Variants in SWT1 observed in about 807,000 individuals in gnomAD.
SWT1 encodes the protein transcriptional protein SWT1.
SWT1 carries 33 observed loss-of-function variants against 107.3 expected under a neutral mutation model. The observed-to-expected ratio is 0.31, with a 90% CI of 0.23 to 0.41. The LOEUF (loss-of-function observed/expected upper bound fraction) is 0.41. SWT1 is among the 10% of genes least tolerant of loss of function. The pLI, the probability that SWT1 is intolerant of heterozygous loss-of-function variation, is 1.00. For synonymous variants in SWT1, 345 were observed against 348.3 expected (o/e 0.99, Z 0.11); for missense variants, 898 against 1,028.9 (o/e 0.87, Z 1.74).
Position 185,174,443 on chromosome 1 carries a change from T to G in SWT1, c.296T>G (p.Leu99Arg). The change falls in exon 5 of 19, where the codon CTC becomes CGC. Residue 99 changes from leucine to arginine, a missense_variant. Physicochemically the swap from Leu to Arg is moderately radical, Grantham distance 102. Coordinates refer to ENST00000367500, the MANE Select transcript of SWT1 (RefSeq NM_017673.7). Reference protein sequence around the residue: ...IGSSSQRPIKLKEASYSNDNQ... With the variant: ...IGSSSQRPIKRKEASYSNDNQ... ...TCTTCATCCCAAAGACCTATTAAAC[T>G]CAAAGAAGCATCATATTCAAATGAT... 6.2e-7 allele frequency: 1 copy of G among 1,604,662 alleles called. No homozygotes were observed. Among genetic ancestry groups the G allele is most frequent in the South Asian group, 1.1e-5 (1 of 88,708 alleles).
At chr1:185,167,510 T>C (rs542569454) in intron 3 of SWT1, among the ~76,000 whole-genome samples, 1 of 152,328 alleles carries the variant, frequency 6.6e-6, no homozygotes, top group South Asian at 2.1e-4. Flanking sequence ...AGAATTTACT[T>C]GTTTTCATAT....
chr1:185,258,439 C>A (rs1043469169), intron 16 of SWT1, among the ~76,000 whole-genome samples: 8 of 151,304 alleles, frequency 5.3e-5, no homozygotes, highest in Admixed American at 1.3e-4. Flanking sequence ...ATTTCCATTG[C>A]TTCCTTCATT....
intron 16 of SWT1, among the ~76,000 whole-genome samples, chr1:185,236,688 G>A (rs766217271): frequency 1.3e-5 from 2 of 152,126 alleles, no homozygotes; most frequent in Non-Finnish European, 2.9e-5. Flanking sequence ...AACACCCAAA[G>A]CAATGGCAAC....
intron 9 of SWT1, among the ~76,000 whole-genome samples, chr1:185,189,347 G>T (rs191944240): frequency 1.3e-5 from 2 of 152,184 alleles, no homozygotes; most frequent in African/African-American, 2.4e-5. Flanking sequence ...ATGCCAGAGG[G>T]TACCCTGTCA....
At position 185,182,067 on chromosome 1, in the gene SWT1, A is replaced by G. The variant is rs374879340; in HGVS notation, c.1138+10A>G. 19 of 1,613,258 alleles carry G rather than the reference A, an allele frequency of 1.2e-5. No homozygotes were observed. The highest frequency in any genetic ancestry group is 2.2e-5 in the East Asian group (1 of 44,810). ...GTACATTCCTCCTCTGGTATACCCT[A>G]TATGTTGATGTGTATGCTCCCCTAT... On this transcript the variant is annotated intron_variant, in intron 7 of 18. Coordinates refer to ENST00000367500, the MANE Select transcript of SWT1 (RefSeq NM_017673.7).
intron 4 of SWT1, chr1:185,171,735 A>T (rs548219502): frequency 3.7e-5 from 15 of 405,640 alleles, no homozygotes; most frequent in Non-Finnish European, 6.3e-5. Flanking sequence ...CAGAAAGGGC[A>T]TTTTTTTTTT....
intron 16 of SWT1, among the ~76,000 whole-genome samples, chr1:185,238,210 T>C (rs1411610291): frequency 6.6e-6 from 1 of 152,086 alleles, no homozygotes; most frequent in African/African-American, 2.4e-5. Context: ...GGTCTTGAAC[T>C]CCTGGGCTCA....
intron 1 of SWT1, 69 bp from the exon 2 acceptor site, chr1:185,160,764 A>G (rs1340383548): frequency 5.2e-6 from 6 of 1,143,114 alleles, no homozygotes; most frequent in Non-Finnish European, 7.6e-6. Flanking sequence ...TATATAACTG[A>G]AAGAAGACAA....
intron 9 of SWT1, among the ~76,000 whole-genome samples, chr1:185,189,712 T>C (rs532797353): frequency 1.3e-5 from 2 of 152,140 alleles, no homozygotes; most frequent in Non-Finnish European, 2.9e-5. Flanking sequence ...CACAACTGTA[T>C]GCTATGTAAA....
chr1:185,164,055 G>A (rs1654377754), intron 2 of SWT1, among the ~76,000 whole-genome samples: 1 of 152,192 alleles, frequency 6.6e-6, no homozygotes, highest in African/African-American at 2.4e-5. Flanking sequence ...TCTATGGACT[G>A]CAGAATGGAT....
At chr1:185,283,741 A>G (rs1161290091) in intron 18 of SWT1, among the ~76,000 whole-genome samples, 2 of 152,134 alleles carry the variant, frequency 1.3e-5, no homozygotes, top group Non-Finnish European at 2.9e-5. Context: ...TGACCTTTGT[A>G]TCTCTCTTTT....
At chr1:185,204,581 TTTTATATA>T in intron 11 of SWT1, 111 bp from the exon 12 acceptor site, 1 of 446,204 alleles carries the variant, frequency 2.2e-6, no homozygotes, top group Non-Finnish European at 3.9e-6. Context: ...TATTTGTTTG[TTTTATATA>T]TAATTAAAAT....
chr1:185,219,809 A>G (rs577742600), intron 14 of SWT1, among the ~76,000 whole-genome samples: 1 of 152,116 alleles, frequency 6.6e-6, no homozygotes, highest in African/African-American at 2.4e-5. Flanking sequence ...TGTTTACTGC[A>G]CTGGCCTTCC....
At chr1:185,205,711 CTG>C (rs1658280243) in intron 12 of SWT1, among the ~76,000 whole-genome samples, 2 of 152,288 alleles carry the variant, frequency 1.3e-5, no homozygotes, top group East Asian at 3.9e-4. Flanking sequence ...TCTATTCCAG[CTG>C]TTCTGTGAGA....
rs1656064733 is a variant in SWT1 at position 185,182,069 on chromosome 1, A to G, written c.1138+12A>G. The G allele has an allele frequency of 6.2e-7, 1 of 1,613,302 alleles. No individual in the cohort carries two copies. The highest frequency in any genetic ancestry group is 8.5e-7 in the Non-Finnish European group (1 of 1,179,450). ...ACATTCCTCCTCTGGTATACCCTAT[A>G]TGTTGATGTGTATGCTCCCCTATGC... On this transcript the variant is annotated intron_variant, in intron 7 of 18. Coordinates refer to ENST00000367500, the MANE Select transcript of SWT1 (RefSeq NM_017673.7).
intron 12 of SWT1, among the ~76,000 whole-genome samples, chr1:185,205,711 C>A (rs1034254972): frequency 1.4e-4 from 22 of 152,170 alleles, no homozygotes; most frequent in Non-Finnish European, 1.0e-4. Context: ...TCTATTCCAG[C>A]TGTTCTGTGA....
Position 185,236,348 on chromosome 1 carries a change from A to G in SWT1, c.2441+4640A>G, listed in dbSNP as rs567142093. Among the ~76,000 whole-genome samples, 592 of 152,354 alleles carry G rather than the reference A, an allele frequency of 3.9e-3. 4 individuals are homozygous for G. Among genetic ancestry groups the G allele is most frequent in the Non-Finnish European group, 6.3e-3 (432 of 68,032 alleles). ...AGAAGGCTACAGTAACAAAAACAGC[A>G]TGGTACTGGTACCAAAACAGAGACA... On this transcript the variant is annotated intron_variant, in intron 16 of 18. Coordinates refer to ENST00000367500, the MANE Select transcript of SWT1 (RefSeq NM_017673.7).
intron 7 of SWT1, among the ~76,000 whole-genome samples, chr1:185,183,785 G>T (rs1200158059): frequency 6.6e-6 from 1 of 152,148 alleles, no homozygotes; most frequent in African/African-American, 2.4e-5. Flanking sequence ...ATTAAACATT[G>T]ATTACTATTC....
chr1:185,244,324 CTACA>C (rs1661453335), intron 16 of SWT1, among the ~76,000 whole-genome samples: 1 of 152,106 alleles, frequency 6.6e-6, no homozygotes, highest in African/African-American at 2.4e-5. Flanking sequence ...GAATAGCCCA[CTACA>C]CACCTAGGCT....
Sources: allele counts gnomAD v4.1 joint callset (sites outside exome capture counted in the v4.1 genomes callset), GRCh38; gene constraint gnomAD v4.1.1; transcripts MANE v1.5; gene names NCBI Gene and HGNC (gene_info 2026-07-23, HGNC 2026-07-21).